The following UGT2A2 variants were observed in gnomAD, a reference collection of about 807,000 sequenced individuals.
The protein encoded by UGT2A2 is UDP glucuronosyltransferase family 2 member A2, also known as UDP-glucuronosyltransferase 2A2.
A neutral mutation model predicts 50.7 loss-of-function variants in UGT2A2; 60 were observed. That is an observed-to-expected ratio of 1.18 (90% CI 0.96 to 1.47). The LOEUF (loss-of-function observed/expected upper bound fraction) is 1.47. Ranked by LOEUF, UGT2A2 falls within the 40% of genes most tolerant of loss-of-function variation. UGT2A2 has a pLI of 0.00. For synonymous variants in UGT2A2, 242 were observed against 214.6 expected, an observed-to-expected ratio of 1.13 and a Z score of -1.11; for missense variants, 762 against 634.0, an observed-to-expected ratio of 1.20 and a Z score of -2.17.
rs746099029 is a variant in UGT2A2, at chr4:69,639,023, T to G, written c.618A>C (p.Leu206Phe). ...AGGTCATCTGGTCAGTGAGCTCTGA[T>G]AAGGCTGCCGGTACATAGGAGACTG... is the stretch of plus-strand genomic sequence containing the variant. Reference protein sequence around the residue: ...PAPVSYVPAALSELTDQMTFG... With the variant: ...PAPVSYVPAAFSELTDQMTFG... Residue 206 changes from leucine (L) to phenylalanine (F), a missense_variant, in exon 1 of 6, where the codon TTA becomes TTC. Physicochemically the swap from Leu to Phe is conservative, Grantham distance 22. Coordinates refer to ENST00000604629, the MANE Select transcript of UGT2A2 (RefSeq NM_001105677.2). 14 of 1,613,276 alleles carry G rather than the reference T, an allele frequency of 8.7e-6. No individual in the cohort carries two copies. In the South Asian group the frequency reaches 1.3e-4, roughly 15 times the overall value.
intron 1 of UGT2A2, among the ~76,000 whole-genome samples, chr4:69,618,197 G>GTGTGTGTGTGTATGTT (rs1202654143): frequency 1.9e-4 from 16 of 84,646 alleles, no homozygotes; most frequent in East Asian, 7.8e-4. Flanking sequence ...ATGTGTGTGT[G>GTGTGTGTGTGTATGTT]TGTGTGTGTG....
chr4:69,602,635 C>T lies in UGT2A2; in HGVS notation c.743-3241G>A, dbSNP rs184676461. 5.8e-4 allele frequency among the ~76,000 whole-genome samples: 79 copies of T among 136,896 alleles called. 22 individuals carry two copies. The highest frequency in any genetic ancestry group is 2.2e-3 in the African/African-American group (76 of 34,032). 89.8% of individuals were successfully genotyped at this position (136,896 alleles called of 152,430 possible). ...ACTGAAATTTCTGTGCACAAGTAAA[C>T]GAAGATTTAATTTAAAAACTAAATT... On this transcript the variant is annotated intron_variant, in intron 1 of 5. Coordinates refer to ENST00000604629, the MANE Select transcript of UGT2A2 (RefSeq NM_001105677.2).
chr4:69,608,307 A>G (rs2109910538), intron 1 of UGT2A2, among the ~76,000 whole-genome samples: 1 of 143,940 alleles, frequency 6.9e-6, no homozygotes, highest in East Asian at 2.0e-4. Context: ...ATTCTCAGCA[A>G]ACTATCTCAA....
chr4:69,589,622 C>T lies in UGT2A2; in HGVS notation c.1361G>A (p.Arg454Lys), dbSNP rs1290352066. The change falls in exon 6 of 6, where the codon AGA (arginine) becomes AAA (lysine). Residue 454 changes from arginine (R) to lysine (K), a missense_variant. Physicochemically the swap from Arg to Lys is conservative, Grantham distance 26 (BLOSUM62 2). Transcript: ENST00000604629. ...SYKENAMRLS[R>K]IHHDQPVKPL... ...CTTTACAGGTTGATCATGGTGAATT[C>T]TTGATAACCTCATAGCATTCTCTTT... The T allele has an allele frequency of 1.2e-6, 2 of 1,613,802 alleles. No homozygotes were observed. Among genetic ancestry groups the T allele is most frequent in the Admixed American group, 3.3e-5 (2 of 60,000 alleles).
intron 1 of UGT2A2, among the ~76,000 whole-genome samples, chr4:69,619,486 C>T (rs1720614900): frequency 6.6e-6 from 1 of 151,552 alleles, no homozygotes; most frequent in Admixed American, 6.6e-5. Context: ...CTTACATACC[C>T]CATACAAACA....
At chr4:69,636,573 A>G (rs555746194) in intron 1 of UGT2A2, among the ~76,000 whole-genome samples, 18 of 152,100 alleles carry the variant, frequency 1.2e-4, no homozygotes, top group Admixed American at 2.6e-4. Flanking sequence ...GCTGTTTTAC[A>G]AAGCCTTTTT....
chr4:69,612,780 A>G (rs1258805427), intron 1 of UGT2A2, among the ~76,000 whole-genome samples: 4 of 152,010 alleles, frequency 2.6e-5, no homozygotes, highest in Non-Finnish European at 5.9e-5. Context: ...AAAATCTTTG[A>G]AGAAAACCTA....
chr4:69,616,773 T>C (rs1216234576), intron 1 of UGT2A2, among the ~76,000 whole-genome samples: 2 of 151,640 alleles, frequency 1.3e-5, no homozygotes, highest in Non-Finnish European at 2.9e-5. Context: ...CTGTAGCTTC[T>C]CATTATAATA....
At position 69,599,249 on chromosome 4, in the gene UGT2A2, A is replaced by G; in HGVS notation, c.888T>C (p.Pro296=). The G allele has an allele frequency of 6.2e-7, 1 of 1,613,230 alleles. No individual in the cohort carries two copies. Among genetic ancestry groups the G allele is most frequent in the East Asian group, 2.2e-5 (1 of 44,836 alleles). Residue 296 remains proline, a synonymous_variant, in exon 2 of 6, where the codon CCT becomes CCC. Transcript: ENST00000604629. ...GLHCKPAKPL[P]KEMEEFIQSS... ...TCCTCCACTGTTGTAGACCTACCTT[A>G]GGTAAAGGTTTGGCAGGTTTGCAGT...
intron 1 of UGT2A2, among the ~76,000 whole-genome samples, chr4:69,612,258 T>C (rs902962362): frequency 4.6e-5 from 7 of 152,038 alleles, no homozygotes; most frequent in Admixed American, 2.0e-4. Flanking sequence ...AATTATTCCA[T>C]ATACTATCGT....
At chr4:69,632,315 C>G (rs186712248) in intron 1 of UGT2A2, among the ~76,000 whole-genome samples, 277 of 152,162 alleles carry the variant, frequency 1.8e-3, no homozygotes, top group African/African-American at 6.4e-3. Flanking sequence ...AATAAGGGGT[C>G]TGCATTAAAG....
At chr4:69,590,415 T>G (rs962874809) in intron 5 of UGT2A2, among the ~76,000 whole-genome samples, 1 of 152,228 alleles carries the variant, frequency 6.6e-6, no homozygotes, top group African/African-American at 2.4e-5. Flanking sequence ...ACTTGCAGTT[T>G]CCCTAGTTGT....
chr4:69,635,365 C>A (rs1443557231), intron 1 of UGT2A2, among the ~76,000 whole-genome samples: 1 of 152,178 alleles, frequency 6.6e-6, no homozygotes, highest in East Asian at 1.9e-4. Flanking sequence ...ACCCAAAAGA[C>A]ACATGCAAAA....
chr4:69,638,717 A>G (rs974112671), intron 1 of UGT2A2, among the ~76,000 whole-genome samples, 182 bp downstream of exon 1: 2 of 152,162 alleles, frequency 1.3e-5, no homozygotes, highest in African/African-American at 4.8e-5. Context: ...ACATATTAAT[A>G]CCACCATTTC....
At chr4:69,632,550 C>T (rs761943168) in intron 1 of UGT2A2, among the ~76,000 whole-genome samples, 6 of 151,902 alleles carry the variant, frequency 3.9e-5, no homozygotes, top group Non-Finnish European at 7.4e-5. Context: ...TTCTTATGCA[C>T]GACAATAGTA....
At chr4:69,622,653 G>T (rs1205461301) in intron 1 of UGT2A2, among the ~76,000 whole-genome samples, 1 of 151,666 alleles carries the variant, frequency 6.6e-6, no homozygotes, top group East Asian at 1.9e-4. Context: ...GAGGCTCAAA[G>T]GTGAGGGGGG....
chr4:69,618,207 G>GTGTATGTT (rs1553905696), intron 1 of UGT2A2, among the ~76,000 whole-genome samples: 867 of 72,752 alleles, frequency 0.012, 5 homozygotes, highest in South Asian at 0.033. Context: ...GTGTGTGTGT[G>GTGTATGTT]TGTGTGTGTA....
intron 1 of UGT2A2, among the ~76,000 whole-genome samples, chr4:69,604,566 A>C (rs1420848167): frequency 1.5e-5 from 2 of 136,634 alleles, no homozygotes; most frequent in African/African-American, 3.0e-5. Context: ...GTTCACACAT[A>C]AGAATATTAA....
intron 1 of UGT2A2, among the ~76,000 whole-genome samples, chr4:69,635,404 C>G (rs1207799868): frequency 2.0e-5 from 3 of 152,158 alleles, no homozygotes; most frequent in Non-Finnish European, 2.9e-5. Flanking sequence ...AGTGGCCTTA[C>G]CTGTCTAACC....
Sources: gnomAD v4.1 joint callset for allele counts (sites outside exome capture counted in the v4.1 genomes callset) on GRCh38, gnomAD v4.1.1 for gene constraint, MANE v1.5 for transcripts, NCBI Gene and HGNC (gene_info 2026-07-23, HGNC 2026-07-21) for gene names.